NBEA: variants seen among roughly 807,000 people sequenced by gnomAD.
NBEA encodes neurobeachin, also known as lysosomal-trafficking regulator 2.
In NBEA, 44 loss-of-function variants were observed where a neutral mutation model predicts 343.4. That is an observed-to-expected ratio of 0.13 (90% CI 0.10 to 0.16). NBEA has a LOEUF of 0.16. Among genes scored for constraint, NBEA ranks in the 10% least tolerant of loss-of-function variants. NBEA has a pLI of 1.00. For synonymous variants in NBEA, 1,175 were observed against 1,238.7 expected, an observed-to-expected ratio of 0.95 and a Z score of 1.08; for missense variants, 2,555 against 3,631.3, an observed-to-expected ratio of 0.70 and a Z score of 7.62.
intron 57 of NBEA, 84 bp from the exon 58 acceptor site, chr13:35,668,284 T>C: frequency 7.1e-7 from 1 of 1,407,564 alleles, no homozygotes; most frequent in Non-Finnish European, 9.7e-7. Flanking sequence ...CAGTTGGCTA[T>C]TTAGGAAAAA....
intron 1 of NBEA, among the ~76,000 whole-genome samples, chr13:34,986,478 G>A (rs2060551265): frequency 6.6e-6 from 1 of 151,034 alleles, no homozygotes; most frequent in South Asian, 2.1e-4. Context: ...TTTGGAATAA[G>A]TGCGACGTGT....
intron 35 of NBEA, among the ~76,000 whole-genome samples, chr13:35,307,555 T>C (rs1363336866): frequency 6.6e-6 from 1 of 152,076 alleles, no homozygotes; most frequent in Non-Finnish European, 1.5e-5. Context: ...ATGTAATACC[T>C]AGATATGTAC....
At chr13:35,551,160 G>T (rs1280908033) in intron 43 of NBEA, 128 bp downstream of exon 43, 5 of 522,112 alleles carry the variant, frequency 9.6e-6, no homozygotes, top group East Asian at 6.4e-5. Context: ...TTCTCTGAAG[G>T]TTATTTGTAG....
At chr13:35,646,504 C>G (rs1178370514) in intron 51 of NBEA, among the ~76,000 whole-genome samples, 156 bp downstream of exon 51, 1 of 152,176 alleles carries the variant, frequency 6.6e-6, no homozygotes, top group Non-Finnish European at 1.5e-5. Flanking sequence ...CAGGGAGAGA[C>G]AGAGAAGGAA....
chr13:35,354,235 C>T (rs1005638547), intron 38 of NBEA, among the ~76,000 whole-genome samples: 10 of 152,172 alleles, frequency 6.6e-5, no homozygotes, highest in Non-Finnish European at 1.5e-4. Context: ...GCATTTTACC[C>T]ATCTACAGAC....
At chr13:35,280,902 A>G (rs560014072) in intron 34 of NBEA, among the ~76,000 whole-genome samples, 1 of 151,966 alleles carries the variant, frequency 6.6e-6, no homozygotes, top group Non-Finnish European at 1.5e-5. Flanking sequence ...TAAAAGTACC[A>G]CTTACTTTTA....
In NBEA at chr13:35,010,739, AAAATATATATATATAT is replaced by A. The variant is rs1399352274; in HGVS notation, c.295-30192_295-30177del. The stretch of plus-strand genomic sequence containing the variant: ...ACTGGGTCTCTACAAAAAAAAAAAA[AAAATATATATATATAT>A]ATATATATATATATATATATATATA... On this transcript the variant is annotated intron_variant, in intron 1 of 58. Coordinates refer to ENST00000379939, the MANE Select transcript of NBEA (RefSeq NM_001385012.1). Among the ~76,000 whole-genome samples, 17 of 34,174 alleles carry A rather than the reference AAAATATATATATATAT, an allele frequency of 5.0e-4. 2 individuals are homozygous for A. Among genetic ancestry groups the A allele is most frequent in the Admixed American group, 3.9e-3 (9 of 2,308 alleles). 22.4% of individuals were successfully genotyped at this position (34,174 alleles called of 152,430 possible).
At chr13:35,105,912 AT>A (rs1273476514) in intron 11 of NBEA, among the ~76,000 whole-genome samples, 1 of 152,038 alleles carries the variant, frequency 6.6e-6, no homozygotes. Context: ...AAAAATGAAC[AT>A]TTCTGATAAC....
chr13:35,076,225 A>G (rs1342820125), intron 10 of NBEA, among the ~76,000 whole-genome samples: 1 of 151,994 alleles, frequency 6.6e-6, no homozygotes, highest in Non-Finnish European at 1.5e-5. Context: ...TAAGATTCAT[A>G]TCACTTTGTT....
chr13:35,171,058 T>C (rs763966725), intron 25 of NBEA: 3 of 680,178 alleles, frequency 4.4e-6, no homozygotes, highest in Non-Finnish European at 8.1e-6. Context: ...GATTTTAAAA[T>C]GGGCTTTTCC....
chr13:35,055,340 A>G (rs2152565825), intron 6 of NBEA, among the ~76,000 whole-genome samples: 1 of 151,820 alleles, frequency 6.6e-6, no homozygotes, highest in East Asian at 1.9e-4. Context: ...TTTTGATACC[A>G]GTAACTATAA....
chr13:35,637,396 C>A (rs76807858), intron 49 of NBEA, among the ~76,000 whole-genome samples: 2 of 152,192 alleles, frequency 1.3e-5, no homozygotes, highest in Middle Eastern at 3.4e-3. Context: ...ATATGGCAAT[C>A]GTTCAAAAAT....
chr13:35,147,383 C>T (rs975340904), intron 18 of NBEA, among the ~76,000 whole-genome samples: 2 of 152,206 alleles, frequency 1.3e-5, no homozygotes, highest in South Asian at 2.1e-4. Context: ...AGTTGAAAAT[C>T]AAAGGTACAT....
intron 40 of NBEA, among the ~76,000 whole-genome samples, chr13:35,470,606 C>G (rs1033466017): frequency 3.9e-5 from 6 of 152,198 alleles, no homozygotes; most frequent in Non-Finnish European, 5.9e-5. Context: ...TCACCTTTCT[C>G]ACCTTGCCCC....
At chr13:35,000,374 T>G (rs1242597522) in intron 1 of NBEA, among the ~76,000 whole-genome samples, 1 of 152,136 alleles carries the variant, frequency 6.6e-6, no homozygotes, top group East Asian at 1.9e-4. Context: ...GCTATGGTTC[T>G]GGTCCTGTTT....
chr13:35,425,189 C>T (rs977182720), intron 38 of NBEA, among the ~76,000 whole-genome samples: 1 of 152,098 alleles, frequency 6.6e-6, no homozygotes, highest in African/African-American at 2.4e-5. Context: ...CTTCTGCTAG[C>T]TTTTGAATGT....
chr13:35,438,535 G>A (rs576770768), intron 39 of NBEA, among the ~76,000 whole-genome samples: 1 of 152,256 alleles, frequency 6.6e-6, no homozygotes, highest in South Asian at 2.1e-4. Flanking sequence ...TAACCTATTG[G>A]TTGTATTATG....
chr13:35,310,751 AC>A (rs1566600933), intron 36 of NBEA, among the ~76,000 whole-genome samples: 2 of 152,146 alleles, frequency 1.3e-5, no homozygotes, highest in Non-Finnish European at 2.9e-5. Flanking sequence ...ATTTGGCATG[AC>A]CTATTCATTT....
At chr13:35,537,182 G>C (rs1434802189) in intron 41 of NBEA, among the ~76,000 whole-genome samples, 1 of 151,970 alleles carries the variant, frequency 6.6e-6, no homozygotes, top group Non-Finnish European at 1.5e-5. Context: ...ATTTTTTTCA[G>C]CTCCAATAAA....
Sources: gnomAD v4.1 joint callset for allele counts (sites outside exome capture counted in the v4.1 genomes callset) on GRCh38, gnomAD v4.1.1 for gene constraint, MANE v1.5 for transcripts, NCBI Gene and HGNC (gene_info 2026-07-23, HGNC 2026-07-21) for gene names.